Variants in FHOD3 observed in about 807,000 individuals in gnomAD.
The protein encoded by FHOD3 is formin homology 2 domain containing 3.
FHOD3 carries 90 observed loss-of-function variants against 173.0 expected under a neutral mutation model. The ratio of observed to expected loss-of-function variants is 0.52; its 90% confidence interval spans 0.44 to 0.62. The LOEUF (loss-of-function observed/expected upper bound fraction) is 0.62, where lower values mean the gene tolerates loss of function less well. Among genes scored for constraint, FHOD3 ranks in the 20% least tolerant of loss-of-function variants. The pLI, the probability that FHOD3 is intolerant of heterozygous loss-of-function variation, is 0.00. For missense variants in FHOD3, 1,945 were observed against 2,034.7 expected, an observed-to-expected ratio of 0.96 and a Z score of 0.85; for synonymous variants, 828 against 823.0, an observed-to-expected ratio of 1.01 and a Z score of -0.10.
rs539556004 is a variant in FHOD3 at position 36,509,987 on chromosome 18, T to C, written c.406-2451T>C. ...CACAGGGCAGCGATGCATGGGGGAT[T>C]AACTGGATTACACAGGCAGCGGTGC... On this transcript the variant is annotated intron_variant, in intron 4 of 28. Coordinates refer to ENST00000590592, the MANE Select transcript of FHOD3 (RefSeq NM_001281740.3). Among the ~76,000 whole-genome samples the C allele has an allele frequency of 2.6e-5, 4 of 152,306 alleles. No homozygotes were observed. The East Asian group carries it at 7.7e-4, about 29-fold the overall frequency.
At chr18:36,698,413 G>A (rs1254564464) in intron 17 of FHOD3, among the ~76,000 whole-genome samples, 1 of 152,188 alleles carries the variant, frequency 6.6e-6, no homozygotes, top group African/African-American at 2.4e-5. Context: ...TCCTTCTGAA[G>A]TAGACAAAGT....
intron 3 of FHOD3, among the ~76,000 whole-genome samples, chr18:36,435,521 A>G (rs887983913): frequency 6.6e-6 from 1 of 152,200 alleles, no homozygotes; most frequent in African/African-American, 2.4e-5. Context: ...CCAATATTCA[A>G]ATGATCAAGC....
chr18:36,725,381 A>G (rs934421709), intron 19 of FHOD3, among the ~76,000 whole-genome samples: 1 of 152,186 alleles, frequency 6.6e-6, no homozygotes, highest in African/African-American at 2.4e-5. Context: ...AACAGCAGGC[A>G]CTCAGGAATT....
intron 4 of FHOD3, among the ~76,000 whole-genome samples, chr18:36,502,670 A>C (rs2055099731): frequency 6.6e-6 from 1 of 152,080 alleles, no homozygotes; most frequent in African/African-American, 2.4e-5. Context: ...GTTGGTTCCA[A>C]GTCTTTGCTA....
chr18:36,337,264 C>A (rs988609167), intron 1 of FHOD3, among the ~76,000 whole-genome samples: 5 of 152,014 alleles, frequency 3.3e-5, no homozygotes, highest in Non-Finnish European at 7.4e-5. Flanking sequence ...AGAGTCTGTA[C>A]TGACCATTTG....
rs144765977 is a variant in FHOD3 at position 36,377,529 on chromosome 18, TGTC to T, written c.337+4786_337+4788del. ...AGGTTTCCTATGGGAAGCAGCAAAT[TGTC>T]TTTTTGACACTCTTGTTCTGACAGC... is the stretch of plus-strand genomic sequence containing the variant. On this transcript the variant is annotated intron_variant, in intron 3 of 28. Transcript: ENST00000590592. Among the ~76,000 whole-genome samples, 80 of 152,338 alleles carry T rather than the reference TGTC, an allele frequency of 5.3e-4. 1 individual carries two copies. The East Asian group carries it at 0.015, about 29-fold the overall frequency.
chr18:36,506,235 T>G (rs2055290683), intron 4 of FHOD3, among the ~76,000 whole-genome samples: 1 of 152,252 alleles, frequency 6.6e-6, no homozygotes, highest in Non-Finnish European at 1.5e-5. Flanking sequence ...TAAAGGATAT[T>G]CTTAGATCAA....
At chr18:36,488,139 T>C (rs1273722786) in intron 3 of FHOD3, among the ~76,000 whole-genome samples, 1 of 152,234 alleles carries the variant, frequency 6.6e-6, no homozygotes, top group African/African-American at 2.4e-5. Context: ...TGTTTCCATC[T>C]TGAAGAATAC....
chr18:36,658,133 G>A lies in FHOD3; in HGVS notation c.1780G>A (p.Val594Met), dbSNP rs1464905314. The change falls in exon 14 of 29, where the codon GTG (valine) becomes ATG (methionine). Residue 594 changes from valine to methionine, a missense_variant. Physicochemically the swap from Val to Met is conservative, Grantham distance 21. This residue lies in a region of FHOD3 where 1,099 missense variants were observed against 1,051.2 expected (regional missense o/e 1.05). Coordinates refer to ENST00000590592, the MANE Select transcript of FHOD3 (RefSeq NM_001281740.3). ...HSSRPSSGSS[V>M]PTTPTSSVSP... ...CTCAAGACCCTCATCTGGATCCAGT[G>A]TGCCCACCACCCCCACATCATCCGT... is the stretch of plus-strand genomic sequence containing the variant. 3 of 1,595,626 alleles carry A rather than the reference G, an allele frequency of 1.9e-6. No individual in the cohort carries two copies. Among genetic ancestry groups the A allele is most frequent in the Non-Finnish European group, 2.6e-6 (3 of 1,173,178 alleles).
intron 10 of FHOD3, among the ~76,000 whole-genome samples, chr18:36,642,072 G>A (rs755373806): frequency 3.8e-4 from 58 of 152,022 alleles, no homozygotes; most frequent in Non-Finnish European, 6.9e-4. Context: ...TCACTTATAC[G>A]TGGGAGCTAA....
chr18:36,521,767 C>T (rs976168714), intron 5 of FHOD3, among the ~76,000 whole-genome samples: 6 of 152,160 alleles, frequency 3.9e-5, no homozygotes, highest in Admixed American at 6.5e-5. Flanking sequence ...TCTTTAGTGG[C>T]TCCTCTCATC....
chr18:36,694,550 T>C (rs985378389), intron 17 of FHOD3, among the ~76,000 whole-genome samples: 9 of 152,244 alleles, frequency 5.9e-5, no homozygotes, highest in African/African-American at 2.2e-4. Flanking sequence ...AAGAGACTGT[T>C]CTATAACAGC....
intron 9 of FHOD3, among the ~76,000 whole-genome samples, chr18:36,624,993 G>C (rs922702311): frequency 6.6e-6 from 1 of 152,172 alleles, no homozygotes; most frequent in Non-Finnish European, 1.5e-5. Flanking sequence ...TGTGGCACTA[G>C]TCCTCTTAGA....
At chr18:36,326,690 A>G (rs903203533) in intron 1 of FHOD3, among the ~76,000 whole-genome samples, 1 of 152,202 alleles carries the variant, frequency 6.6e-6, no homozygotes, top group Non-Finnish European at 1.5e-5. Flanking sequence ...GTTTGAGGCT[A>G]CAGTGAGCTA....
intron 3 of FHOD3, among the ~76,000 whole-genome samples, chr18:36,391,860 C>T (rs772101589): frequency 6.6e-6 from 1 of 152,170 alleles, no homozygotes. Flanking sequence ...TCCCCTGTGT[C>T]TGCTGACTCC....
At chr18:36,625,257 A>C (rs957050044) in intron 9 of FHOD3, among the ~76,000 whole-genome samples, 2 of 152,096 alleles carry the variant, frequency 1.3e-5, no homozygotes, top group African/African-American at 4.8e-5. Flanking sequence ...TCTCAGACTC[A>C]CTGGTCATAT....
chr18:36,699,019 A>T (rs2039436599), intron 17 of FHOD3, among the ~76,000 whole-genome samples: 1 of 152,184 alleles, frequency 6.6e-6, no homozygotes, highest in Non-Finnish European at 1.5e-5. Flanking sequence ...AACCAACCAG[A>T]TCTTTGCTCT....
rs1327570200 is a variant in FHOD3 at position 36,760,667 on chromosome 18, T to C, written c.4509T>C (p.Tyr1503=). The C allele has an allele frequency of 1.2e-6, 2 of 1,613,198 alleles. No individual in the cohort carries two copies. Among genetic ancestry groups the C allele is most frequent in the Admixed American group, 3.3e-5 (2 of 60,006 alleles). The change falls in exon 27 of 29, where the codon TAT becomes TAC. Residue 1503 remains tyrosine, a synonymous_variant. Coordinates refer to ENST00000590592, the MANE Select transcript of FHOD3 (RefSeq NM_001281740.3). The part of the protein sequence containing the change: ...APPSQPQGLS[Y]AEDAAEHENM... The stretch of plus-strand genomic sequence containing the variant: ...CAAGCCAGCCGCAGGGTCTGAGCTA[T>C]GCGGAGGACGCGGCTGAGCACGAGA...
At chr18:36,525,458 A>G (rs2056468024) in intron 5 of FHOD3, among the ~76,000 whole-genome samples, 1 of 152,206 alleles carries the variant, frequency 6.6e-6, no homozygotes, top group Non-Finnish European at 1.5e-5. Context: ...CAGAAGACCC[A>G]GTCGGGCCAT....
Sources: allele counts gnomAD v4.1 joint callset (sites outside exome capture counted in the v4.1 genomes callset), GRCh38; gene constraint gnomAD v4.1.1; regional missense constraint gnomAD v4.1.1; transcripts MANE v1.5; gene names NCBI Gene and HGNC (gene_info 2026-07-23, HGNC 2026-07-21).